Variants in EYS observed in about 807,000 individuals in gnomAD.
The protein encoded by EYS is EGF-like photoreceptor maintenance factor.
A neutral mutation model predicts 282.1 loss-of-function variants in EYS; 250 were observed. The observed-to-expected ratio is 0.89, with a 90% CI of 0.80 to 0.98. The LOEUF (loss-of-function observed/expected upper bound fraction) is 0.98, where lower values mean the gene tolerates loss of function less well. Among genes scored for constraint, EYS ranks in the 50% least tolerant of loss-of-function variants. EYS has a pLI of 0.00. For synonymous variants in EYS, 1,355 were observed against 1,282.9 expected, an observed-to-expected ratio of 1.06 and a Z score of -1.20; for missense variants, 4,016 against 3,709.0, an observed-to-expected ratio of 1.08 and a Z score of -2.15.
chr6:65,093,559 T>C (rs907182243), intron 12 of EYS, among the ~76,000 whole-genome samples: 2 of 151,846 alleles, frequency 1.3e-5, no homozygotes, highest in African/African-American at 2.4e-5. Flanking sequence ...TGAATTTAAG[T>C]TGCCATCAGC....
intron 2 of EYS, among the ~76,000 whole-genome samples, chr6:65,520,583 T>A (rs188830964): frequency 1.3e-5 from 2 of 152,134 alleles, no homozygotes; most frequent in African/African-American, 4.8e-5. Flanking sequence ...CACATATGTA[T>A]CATTTATGTA....
At chr6:64,220,215 C>T (rs1766058244) in intron 31 of EYS, among the ~76,000 whole-genome samples, 1 of 152,028 alleles carries the variant, frequency 6.6e-6, no homozygotes, top group Admixed American at 6.6e-5. Flanking sequence ...TTTGAGATAA[C>T]AATTTTTGGC....
At chr6:65,623,766 C>G (rs1766604510) in intron 2 of EYS, among the ~76,000 whole-genome samples, 1 of 152,130 alleles carries the variant, frequency 6.6e-6, no homozygotes, top group South Asian at 2.1e-4. Flanking sequence ...GTCTAACATG[C>G]AGTAGACGTC....
At chr6:63,742,824 A>C (rs868207362) in intron 41 of EYS, among the ~76,000 whole-genome samples, 31 of 152,306 alleles carry the variant, frequency 2.0e-4, no homozygotes, top group Middle Eastern at 6.8e-3. Context: ...ATTTCTGAGC[A>C]GTATTCCATG....
chr6:64,683,870 G>T (rs374141914), intron 22 of EYS, among the ~76,000 whole-genome samples: 2 of 152,118 alleles, frequency 1.3e-5, no homozygotes, highest in Non-Finnish European at 1.5e-5. Flanking sequence ...AGGCCTAACC[G>T]CCTGACCACA....
chr6:64,468,368 T>C (rs948483090), intron 26 of EYS, among the ~76,000 whole-genome samples: 1 of 152,238 alleles, frequency 6.6e-6, no homozygotes, highest in African/African-American at 2.4e-5. Context: ...GGGAAATGTC[T>C]TTCCTTATGA....
chr6:65,099,251 C>A (rs1774824706), intron 12 of EYS, among the ~76,000 whole-genome samples: 1 of 150,642 alleles, frequency 6.6e-6, no homozygotes, highest in Admixed American at 6.6e-5. Flanking sequence ...TTGAATAGAT[C>A]AAATGCCTAC....
chr6:64,525,494 G>T (rs1027703197), intron 26 of EYS, among the ~76,000 whole-genome samples: 1 of 151,670 alleles, frequency 6.6e-6, no homozygotes, highest in East Asian at 1.9e-4. Context: ...GACACAAAAG[G>T]GGGGCAATAG....
At chr6:64,164,784 A>C (rs1285780708) in intron 31 of EYS, among the ~76,000 whole-genome samples, 1 of 152,142 alleles carries the variant, frequency 6.6e-6, no homozygotes, top group Non-Finnish European at 1.5e-5. Flanking sequence ...GAATAAAAAG[A>C]CAAATTGTTG....
At chr6:65,167,158 TATC>T (rs1764992588) in intron 12 of EYS, among the ~76,000 whole-genome samples, 1 of 151,282 alleles carries the variant, frequency 6.6e-6, no homozygotes, top group East Asian at 2.0e-4. Flanking sequence ...AACATAGAGG[TATC>T]ATACAGCATA....
chr6:64,067,257 C>A (rs1771406216), intron 32 of EYS, among the ~76,000 whole-genome samples: 1 of 152,082 alleles, frequency 6.6e-6, no homozygotes, highest in African/African-American at 2.4e-5. Flanking sequence ...ATAACTTGTA[C>A]AGAAAATCAC....
In EYS at chr6:64,877,685, G is replaced by A. The variant is rs536086178; in HGVS notation, c.2992+9012C>T. 4.7e-4 allele frequency among the ~76,000 whole-genome samples: 72 copies of A among 152,160 alleles called. 1 individual carries two copies. The highest frequency in any genetic ancestry group is 1.7e-3 in the African/African-American group (69 of 41,530). On this transcript the variant is annotated intron_variant, in intron 19 of 42. Coordinates refer to ENST00000503581, the MANE Select transcript of EYS (RefSeq NM_001142800.2). ...CAAGAAGAATACCATTTTAATCTTGGGATTAAAGCATGATTGGAAGTGGGA... is the reference window on the plus strand; with the variant it reads ...CAAGAAGAATACCATTTTAATCTTGAGATTAAAGCATGATTGGAAGTGGGA...
At chr6:63,904,700 C>T (rs1056085470) in intron 35 of EYS, among the ~76,000 whole-genome samples, 4 of 152,166 alleles carry the variant, frequency 2.6e-5, no homozygotes, top group African/African-American at 4.8e-5. Context: ...AAAGACGAGC[C>T]TCAGGGCCCT....
chr6:64,293,970 A>G (rs936462393), intron 30 of EYS, among the ~76,000 whole-genome samples: 3 of 152,180 alleles, frequency 2.0e-5, no homozygotes, highest in African/African-American at 7.2e-5. Flanking sequence ...CATAAGACAT[A>G]AGCAAATATG....
Position 65,276,090 on chromosome 6 carries a change from C to T in EYS, c.2023+19773G>A, listed in dbSNP as rs1768039876. 2.0e-5 allele frequency among the ~76,000 whole-genome samples: 3 copies of T among 152,246 alleles called. No homozygotes were observed. In the South Asian group the frequency reaches 6.2e-4, roughly 32 times the overall value. The stretch of plus-strand genomic sequence containing the variant: ...AGATTTCCCTGGTCTTACCATGTTT[C>T]CCACTATTCTGAGATGACTGGTTTG... On this transcript the variant is annotated intron_variant, in intron 12 of 42. Coordinates refer to ENST00000503581, the MANE Select transcript of EYS (RefSeq NM_001142800.2).
chr6:64,536,494 AG>A (rs1306747101), intron 26 of EYS, among the ~76,000 whole-genome samples: 5 of 152,152 alleles, frequency 3.3e-5, no homozygotes, highest in Non-Finnish European at 7.4e-5. Flanking sequence ...AGTGCACTGG[AG>A]TAGCAAAATA....
chr6:64,900,599 A>G (rs1767623957), intron 18 of EYS, among the ~76,000 whole-genome samples: 1 of 152,208 alleles, frequency 6.6e-6, no homozygotes, highest in African/African-American at 2.4e-5. Flanking sequence ...TCAAAAGAAG[A>G]CATTTATGCA....
intron 29 of EYS, among the ~76,000 whole-genome samples, chr6:64,382,415 C>T (rs989288757): frequency 6.6e-6 from 1 of 152,124 alleles, no homozygotes; most frequent in African/African-American, 2.4e-5. Context: ...TTGTTATTCT[C>T]CCCTAAATAT....
rs188939714 is a variant in EYS, at chr6:65,333,453, G to A, written c.1766+1527C>T. The stretch of plus-strand genomic sequence containing the variant: ...ATTACAGCTTGCTTTATAGCATAGC[G>A]TAGGATATGATCTATCTTGGAGAGT... On this transcript the variant is annotated intron_variant, in intron 11 of 42. Coordinates refer to ENST00000503581, the MANE Select transcript of EYS (RefSeq NM_001142800.2). Among the ~76,000 whole-genome samples, 6 of 151,568 alleles carry A rather than the reference G, an allele frequency of 4.0e-5. No individual in the cohort carries two copies. The East Asian group carries it at 5.9e-4, about 15-fold the overall frequency.
Sources: allele counts gnomAD v4.1 joint callset (sites outside exome capture counted in the v4.1 genomes callset), GRCh38; gene constraint gnomAD v4.1.1; transcripts MANE v1.5; gene names NCBI Gene and HGNC (gene_info 2026-07-23, HGNC 2026-07-21).